PTPRE: variants seen among roughly 807,000 people sequenced by gnomAD.
PTPRE encodes receptor-type tyrosine-protein phosphatase epsilon.
A neutral mutation model predicts 102.0 loss-of-function variants in PTPRE; 51 were observed. That is an observed-to-expected ratio of 0.50 (90% CI 0.40 to 0.63). The LOEUF (loss-of-function observed/expected upper bound fraction) is 0.63. PTPRE is among the 30% of genes least tolerant of loss of function. The probability of loss-of-function intolerance (pLI) is 0.00; values close to 1 mark genes in which losing one functional copy is unlikely to be tolerated. For missense variants in PTPRE, 752 were observed against 915.1 expected, an observed-to-expected ratio of 0.82 and a Z score of 2.30; for synonymous variants, 345 against 348.2, an observed-to-expected ratio of 0.99 and a Z score of 0.10.
At chr10:127,917,893 G>A (rs536595203) in intron 1 of PTPRE, among the ~76,000 whole-genome samples, 14 of 151,848 alleles carry the variant, frequency 9.2e-5, no homozygotes, top group Non-Finnish European at 1.8e-4. Context: ...AGCTGAGCAC[G>A]CTGGCACGCA....
chr10:128,067,962 A>G (rs150740507), intron 11 of PTPRE, among the ~76,000 whole-genome samples, 161 bp from the exon 12 acceptor site: 1 of 152,310 alleles, frequency 6.6e-6, no homozygotes, highest in East Asian at 1.9e-4. Context: ...CGGCAGGGGT[A>G]AGGTCCAGGC....
chr10:127,970,376 G>T (rs557660388), intron 1 of PTPRE, among the ~76,000 whole-genome samples: 1 of 152,142 alleles, frequency 6.6e-6, no homozygotes, highest in Non-Finnish European at 1.5e-5. Flanking sequence ...TGCAGAATTC[G>T]TTGGAATCAG....
intron 1 of PTPRE, among the ~76,000 whole-genome samples, chr10:127,930,940 G>A (rs569958883): frequency 4.8e-4 from 73 of 151,954 alleles, no homozygotes; most frequent in African/African-American, 1.7e-3. Context: ...TTACGAGCGC[G>A]TGCCACCACA....
chr10:127,955,297 C>CATAT (rs1564825210), intron 1 of PTPRE, among the ~76,000 whole-genome samples: 1 of 151,162 alleles, frequency 6.6e-6, no homozygotes, highest in Non-Finnish European at 1.5e-5. Context: ...TACATACATA[C>CATAT]ATACATACAT....
chr10:128,074,829 G>C (rs10741142), intron 17 of PTPRE, among the ~76,000 whole-genome samples: 80,965 of 151,988 alleles, frequency 0.53, 22,230 homozygotes, highest in East Asian at 0.66. Flanking sequence ...ACATTTTTGA[G>C]GACCTGCCAG....
intron 20 of PTPRE, among the ~76,000 whole-genome samples, chr10:128,080,338 C>T (rs7911438): frequency 0.1 from 15,897 of 152,234 alleles, 939 homozygotes; most frequent in East Asian, 0.14. Context: ...CTTCCCACTT[C>T]GCACCTGTCC....
chr10:128,055,329 G>C (rs1848861258), intron 6 of PTPRE, among the ~76,000 whole-genome samples: 2 of 152,210 alleles, frequency 1.3e-5, no homozygotes, highest in South Asian at 4.1e-4. Context: ...GCGGCAGAAA[G>C]AACTAGAATG....
intron 1 of PTPRE, among the ~76,000 whole-genome samples, chr10:127,966,823 T>C (rs1209480872): frequency 6.6e-6 from 1 of 152,174 alleles, no homozygotes. Context: ...GTCATGGCCA[T>C]GAAGAGCAGT....
intron 2 of PTPRE, among the ~76,000 whole-genome samples, chr10:128,013,730 GCAGAGGGCCCTCCC>G (rs1845199805): frequency 6.6e-6 from 1 of 152,146 alleles, no homozygotes; most frequent in African/African-American, 2.4e-5. Context: ...TCTTGAACAG[GCAGAGGGCCCTCCC>G]CAGACACCAC....
chr10:127,993,011 G>A (rs1852842709), intron 2 of PTPRE, among the ~76,000 whole-genome samples: 1 of 152,158 alleles, frequency 6.6e-6, no homozygotes, highest in South Asian at 2.1e-4. Flanking sequence ...GTATATCACA[G>A]TGTGCCTGGG....
chr10:127,907,316 G>C lies in PTPRE; in HGVS notation c.-31+7G>C, dbSNP rs1845541528. On this transcript the variant is annotated splice_region_variant and intron_variant, in intron 1 of 20. Coordinates refer to ENST00000254667, the MANE Select transcript of PTPRE (RefSeq NM_006504.6). The surrounding 1 kb of genome is among the most constrained non-coding windows in gnomAD (Gnocchi z 4.8). Reference sequence around the variant, plus strand: ...CCAGACCGGCCCCCCCGAGGTGAGCGCGCGTGCGGACAGGGACCCTGCGCC... The same window carrying C: ...CCAGACCGGCCCCCCCGAGGTGAGCCCGCGTGCGGACAGGGACCCTGCGCC... 26 of 984,762 alleles carry C rather than the reference G, an allele frequency of 2.6e-5. No homozygotes were observed. The highest frequency in any genetic ancestry group is 5.2e-5 in the African/African-American group (3 of 57,246). 61.0% of individuals were successfully genotyped at this position (984,762 alleles called of 1,614,324 possible).
In PTPRE at chr10:128,044,127, C is replaced by T. The variant is rs566114774; in HGVS notation, c.109+3137C>T. 1.2e-4 allele frequency among the ~76,000 whole-genome samples: 18 copies of T among 152,306 alleles called. No homozygotes were observed. In the South Asian group the frequency reaches 1.9e-3, roughly 16 times the overall value. On this transcript the variant is annotated intron_variant, in intron 3 of 20. Coordinates refer to ENST00000254667, the MANE Select transcript of PTPRE (RefSeq NM_006504.6). ...ATAGAAGAAAATGTCAGGAAAGATA[C>T]GCTTTGAAATCTTAATTATGTTTAA...
intron 1 of PTPRE, among the ~76,000 whole-genome samples, chr10:127,930,076 A>G (rs1038241034): frequency 5.3e-5 from 8 of 151,760 alleles, no homozygotes; most frequent in East Asian, 3.9e-4. Context: ...AAAAAAAAAA[A>G]AAAAGAAAGA....
At chr10:128,025,693 G>T (rs571654242) in intron 2 of PTPRE, among the ~76,000 whole-genome samples, 1 of 152,226 alleles carries the variant, frequency 6.6e-6, no homozygotes, top group East Asian at 1.9e-4. Context: ...GCCTGCACTG[G>T]ATTCGGGTCT....
chr10:127,940,381 A>T (rs1026474985), intron 1 of PTPRE, among the ~76,000 whole-genome samples: 6 of 152,118 alleles, frequency 3.9e-5, no homozygotes, highest in African/African-American at 1.4e-4. Flanking sequence ...ACATCCCACC[A>T]TCCCTGAGGT....
chr10:127,948,498 G>A lies in PTPRE; in HGVS notation c.-30-33776G>A, dbSNP rs188771554. Among the ~76,000 whole-genome samples the A allele has an allele frequency of 2.6e-4, 39 of 152,260 alleles. 1 individual carries two copies. The highest frequency in any genetic ancestry group is 9.1e-4 in the African/African-American group (38 of 41,540). ...GGTTTTACTGCCCTAAGCATCCTCT[G>A]TGATCCATCCATTTATTCTCCCTCC... On this transcript the variant is annotated intron_variant, in intron 1 of 20. Transcript: ENST00000254667.
chr10:128,074,146 A>G (rs1050814190), intron 17 of PTPRE, among the ~76,000 whole-genome samples: 5 of 152,260 alleles, frequency 3.3e-5, no homozygotes, highest in Middle Eastern at 3.4e-3. Context: ...GGGTTTGTCT[A>G]TTCTGGACAT....
intron 2 of PTPRE, among the ~76,000 whole-genome samples, chr10:128,039,880 C>T (rs1280015747): frequency 1.3e-5 from 2 of 152,172 alleles, no homozygotes; most frequent in Non-Finnish European, 2.9e-5. Flanking sequence ...TGCCAGTGAG[C>T]CTCTAGTGAG....
chr10:127,951,941 T>C (rs1364747753), intron 1 of PTPRE, among the ~76,000 whole-genome samples: 2 of 152,224 alleles, frequency 1.3e-5, no homozygotes, highest in African/African-American at 4.8e-5. Flanking sequence ...CAGTTGTGAT[T>C]TCATTGCTTG....
Sources: gnomAD v4.1 joint callset for allele counts (sites outside exome capture counted in the v4.1 genomes callset) on GRCh38, gnomAD v4.1.1 for gene constraint, Gnocchi (gnomAD v3.1) non-coding constraint, MANE v1.5 for transcripts, NCBI Gene and HGNC (gene_info 2026-07-23, HGNC 2026-07-21) for gene names.